The following NFATC1 variants were observed in gnomAD, a reference collection of about 807,000 sequenced individuals.
NFATC1 encodes nuclear factor of activated T cells 1.
NFATC1 carries 22 observed loss-of-function variants against 76.0 expected under a neutral mutation model. That is an observed-to-expected ratio of 0.29 (90% CI 0.21 to 0.41). NFATC1 has a LOEUF of 0.41. NFATC1 is among the 10% of genes least tolerant of loss of function. NFATC1 has a pLI of 1.00. For synonymous variants in NFATC1, 704 were observed against 613.1 expected (o/e 1.15, Z -2.19); for missense variants, 1,357 against 1,337.7 (o/e 1.01, Z -0.23).
intron 2 of NFATC1, among the ~76,000 whole-genome samples, chr18:79,414,278 T>C (rs925121718): frequency 6.6e-6 from 1 of 152,208 alleles, no homozygotes; most frequent in Non-Finnish European, 1.5e-5. Flanking sequence ...AGCTGTATTT[T>C]TAATGATCTC....
chr18:79,508,040 C>G (rs546328171), intron 9 of NFATC1, among the ~76,000 whole-genome samples: 1 of 152,330 alleles, frequency 6.6e-6, no homozygotes, highest in Non-Finnish European at 1.5e-5. Context: ...ATTTAAGAAC[C>G]CAAACTTTAA....
At chr18:79,478,397 G>C (rs963762516) in intron 8 of NFATC1, among the ~76,000 whole-genome samples, 8 of 152,082 alleles carry the variant, frequency 5.3e-5, no homozygotes, top group Non-Finnish European at 1.2e-4. Flanking sequence ...GATGTGGTCC[G>C]GGCCATTAAG....
chr18:79,485,773 G>A (rs1411424718), intron 8 of NFATC1, among the ~76,000 whole-genome samples: 3 of 152,218 alleles, frequency 2.0e-5, no homozygotes, highest in African/African-American at 4.8e-5. Flanking sequence ...TCGCAGTGAC[G>A]GACGGCTTCT....
At chr18:79,420,169 G>C (rs1304471844) in intron 2 of NFATC1, among the ~76,000 whole-genome samples, 3 of 152,172 alleles carry the variant, frequency 2.0e-5, no homozygotes, top group Non-Finnish European at 4.4e-5. Context: ...TTGCTGCAGA[G>C]GGGAAGAGGG....
At chr18:79,448,369 C>G (rs1316360962) in intron 3 of NFATC1, 4 of 227,070 alleles carry the variant, frequency 1.8e-5, no homozygotes, top group African/African-American at 9.2e-5. Context: ...GAGCTGCGCG[C>G]TGCCCGGTTC....
chr18:79,500,685 C>A (rs1304219529), intron 9 of NFATC1, among the ~76,000 whole-genome samples: 1 of 152,066 alleles, frequency 6.6e-6, no homozygotes. Context: ...GCTACTGACC[C>A]TGCAAAAATC....
intron 2 of NFATC1, chr18:79,421,828 A>T (rs1042911991): frequency 6.6e-6 from 1 of 152,282 alleles, no homozygotes; most frequent in Admixed American, 6.5e-5. Flanking sequence ...CCCCGTGGCG[A>T]CATCACAGCT....
At chr18:79,449,796 G>T (rs2144772620) in intron 4 of NFATC1, among the ~76,000 whole-genome samples, 1 of 152,334 alleles carries the variant, frequency 6.6e-6, no homozygotes, top group Non-Finnish European at 1.5e-5. Context: ...AGGTCCTGGG[G>T]CTGCAGGAGT....
Position 79,448,467 on chromosome 18 carries a change from C to G in NFATC1, c.1387-315C>G, listed in dbSNP as rs904784358. Reference sequence around the variant, plus strand: ...GAAGCGAGCCTTGCACATGGCTCAGCGAGGGCTCCGCTTTCCTGCACACGC... The same window carrying G: ...GAAGCGAGCCTTGCACATGGCTCAGGGAGGGCTCCGCTTTCCTGCACACGC... On this transcript the variant is annotated intron_variant, in intron 3 of 9. Transcript: ENST00000427363. 61 of 397,394 alleles carry G rather than the reference C, an allele frequency of 1.5e-4. No individual in the cohort carries two copies. In the Admixed American group the frequency reaches 2.5e-3, roughly 16 times the overall value. The allele number at this position is 397,394 out of a possible 1,614,324, so 24.6% of individuals were successfully genotyped here.
At chr18:79,405,456 G>C (rs1158021073) in intron 1 of NFATC1, among the ~76,000 whole-genome samples, 2 of 152,218 alleles carry the variant, frequency 1.3e-5, no homozygotes, top group African/African-American at 4.8e-5. Flanking sequence ...ATGTAAATAT[G>C]ATCCCTTTGA....
intron 2 of NFATC1, among the ~76,000 whole-genome samples, chr18:79,417,272 G>A (rs1310115677): frequency 1.3e-5 from 1 of 74,466 alleles, no homozygotes. Flanking sequence ...GAGATGGGCT[G>A]TGGTGGGAGA....
At chr18:79,522,917 G>A (rs890177584) in intron 9 of NFATC1, among the ~76,000 whole-genome samples, 2 of 152,204 alleles carry the variant, frequency 1.3e-5, no homozygotes, top group Non-Finnish European at 2.9e-5. Context: ...GCCCCAGGCC[G>A]CCATCTGGGA....
intron 8 of NFATC1, among the ~76,000 whole-genome samples, chr18:79,474,703 G>A (rs1306585256): frequency 1.4e-5 from 2 of 138,776 alleles, no homozygotes; most frequent in Non-Finnish European, 3.1e-5. Flanking sequence ...TCGACGTTGT[G>A]AGGGAAGCGT....
At chr18:79,418,214 G>A (rs917320095) in intron 2 of NFATC1, among the ~76,000 whole-genome samples, 5 of 152,146 alleles carry the variant, frequency 3.3e-5, no homozygotes, top group African/African-American at 4.8e-5. Context: ...AAGAATCCGC[G>A]TGCTGCCCCA....
At chr18:79,477,320 C>T (rs1378360680) in intron 8 of NFATC1, among the ~76,000 whole-genome samples, 1 of 152,228 alleles carries the variant, frequency 6.6e-6, no homozygotes, top group Non-Finnish European at 1.5e-5. Context: ...TGTAGTGCAT[C>T]CCTGGTAGAG....
intron 8 of NFATC1, among the ~76,000 whole-genome samples, chr18:79,473,619 C>A (rs2088884147): frequency 1.5e-5 from 2 of 130,366 alleles, no homozygotes; most frequent in South Asian, 4.7e-4. Context: ...TTCTCACACT[C>A]ACTGTTGACG....
intron 6 of NFATC1, among the ~76,000 whole-genome samples, chr18:79,453,266 C>G (rs1421397168): frequency 1.3e-5 from 2 of 152,254 alleles, no homozygotes; most frequent in East Asian, 3.8e-4. Flanking sequence ...AAAGCCCAGA[C>G]CTGAGCAGCC....
intron 1 of NFATC1, among the ~76,000 whole-genome samples, chr18:79,400,003 C>T (rs1291385066): frequency 6.6e-6 from 1 of 152,060 alleles, no homozygotes; most frequent in South Asian, 2.1e-4. Flanking sequence ...TTCCGTCGCC[C>T]TGGGCGCAGC....
chr18:79,498,590 A>G (rs544100396), intron 9 of NFATC1, among the ~76,000 whole-genome samples: 22 of 152,354 alleles, frequency 1.4e-4, no homozygotes, highest in African/African-American at 5.3e-4. Flanking sequence ...ATAGAAAGAG[A>G]TGATTAGAAG....
Sources: gnomAD v4.1 joint callset for allele counts (sites outside exome capture counted in the v4.1 genomes callset) on GRCh38, gnomAD v4.1.1 for gene constraint, MANE v1.5 for transcripts, NCBI Gene and HGNC (gene_info 2026-07-23, HGNC 2026-07-21) for gene names.